The following PASD1 variants were observed in gnomAD, a reference collection of about 807,000 sequenced individuals.
The protein encoded by PASD1 is circadian clock protein PASD1.
PASD1 carries 13 observed loss-of-function variants against 58.8 expected under a neutral mutation model. The ratio of observed to expected loss-of-function variants is 0.22; its 90% CI spans 0.14 to 0.35. The LOEUF (loss-of-function observed/expected upper bound fraction) is 0.35. Among genes scored for constraint, PASD1 ranks in the 10% least tolerant of loss-of-function variants. The pLI is 1.00. For missense variants in PASD1, 734 were observed against 568.3 expected (o/e 1.29, Z -2.96); for synonymous variants, 236 against 216.7 (o/e 1.09, Z -0.78).
At chrX:151,651,580 G>A (rs2014128964) in intron 9 of PASD1, among the ~76,000 whole-genome samples, 1 of 111,947 alleles carries the variant, frequency 8.9e-6, no homozygotes. Flanking sequence ...ATAATCATGA[G>A]AGCATCTTGC....
intron 9 of PASD1, among the ~76,000 whole-genome samples, chrX:151,658,250 A>G (rs1013574130): frequency 1.8e-5 from 2 of 112,110 alleles, no homozygotes; most frequent in African/African-American, 3.2e-5. Context: ...TTTTCTTCCT[A>G]TCTCCATGCA....
rs781690481 is a variant in PASD1 at position 151,601,538 on chromosome X, C to T, written c.-16C>T. ...CACTTTGATTTCAGGAGTCTTCCTA[C>T]GTCACTGAATAATGAATGAAGATGA... On this transcript the variant is annotated 5_prime_UTR_variant, in exon 2 of 16. It adds an upstream start codon to the 5' untranslated region. Transcript: ENST00000370357. 15 of 1,206,633 alleles carry T rather than the reference C, an allele frequency of 1.2e-5. No individual in the cohort carries two copies. The highest frequency in any genetic ancestry group is 1.8e-5 in the African/African-American group (1 of 57,132).
intron 9 of PASD1, among the ~76,000 whole-genome samples, chrX:151,652,194 A>G (rs774778411): frequency 7.2e-5 from 8 of 111,719 alleles, no homozygotes; most frequent in Non-Finnish European, 1.3e-4. Context: ...AGAAACAGAC[A>G]ATAACGAGAT....
intron 11 of PASD1, among the ~76,000 whole-genome samples, chrX:151,665,880 G>A (rs1352119013): frequency 1.9e-5 from 2 of 104,298 alleles, no homozygotes; most frequent in East Asian, 2.9e-4. Flanking sequence ...GTGTGTACAC[G>A]CGCGTGCATG....
chrX:151,638,475 T>TTA (rs1187270963), intron 8 of PASD1, among the ~76,000 whole-genome samples: 1 of 110,239 alleles, frequency 9.1e-6, no homozygotes, highest in Admixed American at 9.7e-5. Flanking sequence ...ATAACAACAC[T>TTA]TACTGAGTGC....
intron 2 of PASD1, among the ~76,000 whole-genome samples, chrX:151,601,839 C>T (rs1175926476): frequency 8.9e-6 from 1 of 112,115 alleles, no homozygotes; most frequent in Non-Finnish European, 1.9e-5. Context: ...AGAGCTGACT[C>T]TAAGGGTTGT....
At chrX:151,585,570 G>A (rs1271531455) in intron 1 of PASD1, among the ~76,000 whole-genome samples, 2 of 111,039 alleles carry the variant, frequency 1.8e-5, no homozygotes, top group East Asian at 2.9e-4. Context: ...TTGAGGCCTG[G>A]CATTGAGGAT....
intron 1 of PASD1, among the ~76,000 whole-genome samples, chrX:151,596,420 G>C (rs1356742541): frequency 8.9e-6 from 1 of 111,735 alleles, no homozygotes; most frequent in Non-Finnish European, 1.9e-5. Flanking sequence ...GAGAACTCAC[G>C]ACCAGGAGAA....
At chrX:151,609,399 A>G (rs891331340) in intron 3 of PASD1, among the ~76,000 whole-genome samples, 4 of 111,730 alleles carry the variant, frequency 3.6e-5, no homozygotes, top group South Asian at 3.7e-4. Flanking sequence ...TGCAACCATC[A>G]CCACCATCCA....
At chrX:151,620,171 A>G (rs2124269611) in intron 4 of PASD1, among the ~76,000 whole-genome samples, 1 of 112,451 alleles carries the variant, frequency 8.9e-6, no homozygotes, top group Non-Finnish European at 1.9e-5. Flanking sequence ...ATGACCAAAT[A>G]GATGACAGAT....
intron 9 of PASD1, among the ~76,000 whole-genome samples, chrX:151,649,980 A>G (rs2014110804): frequency 8.9e-6 from 1 of 112,472 alleles, no homozygotes; most frequent in Admixed American, 9.5e-5. Context: ...TTAACAAAGT[A>G]TGTCTATGTG....
intron 1 of PASD1, among the ~76,000 whole-genome samples, chrX:151,568,550 A>G (rs1338354768): frequency 8.9e-6 from 1 of 112,379 alleles, no homozygotes; most frequent in African/African-American, 3.2e-5. Context: ...ATGAATGTGA[A>G]TAGTGTTCTT....
Position 151,659,612 on chromosome X carries a change from T to C in PASD1, c.718-101T>C, listed in dbSNP as rs1001100966. On this transcript the variant is annotated intron_variant, in intron 9 of 15. Transcript: ENST00000370357. ...CAGTTGATTGCAGCAGTGTTAGAAA[T>C]TGTGATGTGAAATGCATCAAAGTTT... The C allele has an allele frequency of 4.8e-6, 4 of 825,783 alleles. No individual in the cohort carries two copies. The African/African-American group carries it at 8.3e-5, about 17-fold the overall frequency. 68.1% of individuals were successfully genotyped at this position (825,783 alleles called of 1,213,427 possible). A position where few individuals can be genotyped will look rare whatever the true frequency, so the allele number is the denominator to read the frequency against.
intron 8 of PASD1, among the ~76,000 whole-genome samples, chrX:151,642,210 T>G (rs1051055206): frequency 1.8e-5 from 2 of 111,845 alleles, no homozygotes; most frequent in African/African-American, 6.5e-5. Context: ...TTTCTGGCTG[T>G]AAGTTGTCCA....
chrX:151,599,480 C>G (rs1362791658), intron 1 of PASD1, among the ~76,000 whole-genome samples: 6 of 109,458 alleles, frequency 5.5e-5, no homozygotes, highest in Admixed American at 3.8e-4. Context: ...GGGCGGCTGC[C>G]GGGCGGAGAC....
intron 8 of PASD1, among the ~76,000 whole-genome samples, chrX:151,637,355 T>C (rs1305081272): frequency 9.0e-6 from 1 of 111,685 alleles, no homozygotes; most frequent in Non-Finnish European, 1.9e-5. Flanking sequence ...TGGCAATGTA[T>C]GGGAGTTTTT....
At chrX:151,578,634 GC>G (rs1053204947) in intron 1 of PASD1, among the ~76,000 whole-genome samples, 1 of 112,406 alleles carries the variant, frequency 8.9e-6, no homozygotes, top group African/African-American at 3.2e-5. Context: ...ACAGAAACAA[GC>G]CTAACTCCCC....
Position 151,672,234 on chromosome X carries a change from CGGGA to C in PASD1, c.1491_1494del (p.Glu498SerfsTer5), listed in dbSNP as rs763831305. On this transcript the variant is annotated frameshift_variant, in exon 14 of 16. Transcript: ENST00000370357. LOFTEE classifies it high-confidence loss of function. ...CCTGAAGGAGCAGCAGCGGCAGCTG[CGGGA>C]GCAGCTGCAACAGCTGAGAGAGCAA... 379 of 1,138,152 alleles carry C rather than the reference CGGGA, an allele frequency of 3.3e-4. No individual in the cohort carries two copies. The highest frequency in any genetic ancestry group is 4.2e-4 in the Non-Finnish European group (357 of 851,194). The allele number at this position is 1,138,152 out of a possible 1,213,427, so 93.8% of individuals were successfully genotyped here.
At chrX:151,575,039 A>G in intron 1 of PASD1, among the ~76,000 whole-genome samples, 2 of 111,980 alleles carry the variant, frequency 1.8e-5, no homozygotes, top group Middle Eastern at 9.2e-3. Flanking sequence ...CCTTAGAGGC[A>G]GATGTAAACA....
Sources: gnomAD v4.1 joint callset for allele counts (sites outside exome capture counted in the v4.1 genomes callset) on GRCh38, gnomAD v4.1.1 for gene constraint, MANE v1.5 for transcripts, NCBI Gene and HGNC (gene_info 2026-07-23, HGNC 2026-07-21) for gene names.